The following GPBP1 variants were observed in gnomAD, a reference collection of about 807,000 sequenced individuals.
The protein encoded by GPBP1 is GC-rich promoter binding protein 1.
GPBP1 carries 13 observed loss-of-function variants against 56.5 expected under a neutral mutation model. The observed-to-expected ratio is 0.23, with a 90% CI of 0.15 to 0.37. GPBP1 has a LOEUF of 0.37. Among genes scored for constraint, GPBP1 ranks in the 10% least tolerant of loss-of-function variants. The probability of loss-of-function intolerance (pLI) is 1.00; values close to 1 mark genes in which losing one functional copy is unlikely to be tolerated. For synonymous variants in GPBP1, 204 were observed against 188.9 expected, an observed-to-expected ratio of 1.08 and a Z score of -0.66; for missense variants, 477 against 572.3, an observed-to-expected ratio of 0.83 and a Z score of 1.70.
chr5:57,193,952 C>T (rs1200455405), intron 2 of GPBP1, among the ~76,000 whole-genome samples: 2 of 152,140 alleles, frequency 1.3e-5, no homozygotes, highest in Admixed American at 6.6e-5. Flanking sequence ...AGCAGTTCCC[C>T]TCTGCGGAAA....
intron 3 of GPBP1, among the ~76,000 whole-genome samples, chr5:57,230,025 G>C (rs1343824158): frequency 6.7e-6 from 1 of 148,642 alleles, no homozygotes; most frequent in Non-Finnish European, 1.5e-5. Context: ...CCGCCTCCCA[G>C]GTTCAAGCGA....
Position 57,261,271 on chromosome 5 carries a change from A to G in GPBP1, c.1252A>G (p.Ile418Val). ...TEDEMREFQV[I>V]SEQLQKNGLR... ...GGATGAAATGAGAGAATTCCAAGTT[A>G]TTAGTGAACAGGTAAGAAAACCTGA... Residue 418 changes from isoleucine to valine, a missense_variant, in exon 11 of 12, where the codon ATT becomes GTT. Physicochemically the swap from Ile to Val is conservative, Grantham distance 29 (BLOSUM62 3). Transcript: ENST00000506184. 2 of 1,594,024 alleles carry G rather than the reference A, an allele frequency of 1.3e-6. No homozygotes were observed. Among genetic ancestry groups the G allele is most frequent in the Non-Finnish European group, 1.7e-6 (2 of 1,161,714 alleles).
intron 3 of GPBP1, 89 bp from the exon 4 acceptor site, chr5:57,230,757 T>A (rs1460285774): frequency 2.7e-6 from 3 of 1,126,994 alleles, no homozygotes; most frequent in Non-Finnish European, 3.9e-6. Flanking sequence ...CATTTAAAAT[T>A]TTTGGAAATA....
chr5:57,248,192 AAC>A (rs1303432235), intron 8 of GPBP1, among the ~76,000 whole-genome samples: 1 of 152,114 alleles, frequency 6.6e-6, no homozygotes, highest in Non-Finnish European at 1.5e-5. Flanking sequence ...TATTACTATT[AAC>A]ACTGATTGGG....
intron 2 of GPBP1, among the ~76,000 whole-genome samples, chr5:57,197,346 A>G (rs1416521028): frequency 6.7e-6 from 1 of 149,604 alleles, no homozygotes; most frequent in Admixed American, 6.8e-5. Context: ...AAATTGTAAA[A>G]GAATATCATT....
intron 3 of GPBP1, among the ~76,000 whole-genome samples, chr5:57,225,623 T>C (rs1485587264): frequency 6.6e-6 from 1 of 151,944 alleles, no homozygotes; most frequent in Non-Finnish European, 1.5e-5. Context: ...ATTTCATGGC[T>C]GTGGAGGGAG....
chr5:57,250,491 G>T (rs1741329155), intron 9 of GPBP1, among the ~76,000 whole-genome samples: 1 of 150,834 alleles, frequency 6.6e-6, no homozygotes, highest in African/African-American at 2.4e-5. Context: ...TATCCATCCT[G>T]GCTTAATTTT....
chr5:57,229,694 A>G (rs1198408305), intron 3 of GPBP1, among the ~76,000 whole-genome samples: 1 of 142,250 alleles, frequency 7.0e-6, no homozygotes, highest in African/African-American at 2.6e-5. Flanking sequence ...GCCACCACAC[A>G]TGGCTAATTT....
chr5:57,214,453 T>G (rs1755621650), intron 3 of GPBP1, among the ~76,000 whole-genome samples: 1 of 151,884 alleles, frequency 6.6e-6, no homozygotes, highest in Non-Finnish European at 1.5e-5. Context: ...GGCGTGGTGG[T>G]GCATGCCTGT....
intron 2 of GPBP1, among the ~76,000 whole-genome samples, chr5:57,183,802 C>T (rs916094094): frequency 1.5e-5 from 2 of 132,490 alleles, no homozygotes; most frequent in Non-Finnish European, 3.1e-5. Flanking sequence ...GACAGGGTCT[C>T]ACTCTATCAC....
intron 3 of GPBP1, among the ~76,000 whole-genome samples, chr5:57,229,160 G>A (rs1479609028): frequency 1.4e-5 from 2 of 147,054 alleles, no homozygotes; most frequent in Non-Finnish European, 3.0e-5. Context: ...GAACCCAGGA[G>A]GTGAAGGTTG....
intron 3 of GPBP1, among the ~76,000 whole-genome samples, chr5:57,230,097 A>T (rs1291823912): frequency 6.6e-6 from 1 of 151,402 alleles, no homozygotes; most frequent in African/African-American, 2.4e-5. Context: ...CACCTGGCTC[A>T]TTTTTTTGTG....
At chr5:57,200,292 C>T (rs984110407) in intron 2 of GPBP1, among the ~76,000 whole-genome samples, 2 of 148,614 alleles carry the variant, frequency 1.3e-5, no homozygotes, top group African/African-American at 2.5e-5. Flanking sequence ...AAGGTAATTT[C>T]ATTTTCTGTT....
chr5:57,218,707 C>T (rs976374955), intron 3 of GPBP1, among the ~76,000 whole-genome samples: 5 of 152,150 alleles, frequency 3.3e-5, no homozygotes, highest in South Asian at 2.1e-4. Context: ...TCAAGTGATC[C>T]GCCTGCCTCT....
chr5:57,216,874 T>C (rs1042744525), intron 3 of GPBP1, among the ~76,000 whole-genome samples: 8 of 152,110 alleles, frequency 5.3e-5, no homozygotes, highest in African/African-American at 1.9e-4. Flanking sequence ...AACGCTTTTT[T>C]TTTTTCATAT....
At chr5:57,250,090 C>T (rs908407887) in intron 9 of GPBP1, among the ~76,000 whole-genome samples, 8 of 144,448 alleles carry the variant, frequency 5.5e-5, no homozygotes, top group South Asian at 4.6e-4. Context: ...ATTCTTGTTC[C>T]TCAGCCTTCC....
chr5:57,197,024 C>T (rs997281851), intron 2 of GPBP1, among the ~76,000 whole-genome samples: 5 of 151,744 alleles, frequency 3.3e-5, no homozygotes, highest in African/African-American at 7.3e-5. Flanking sequence ...TCAAGTGATT[C>T]GCCTGCCTCA....
At chr5:57,248,202 G>A (rs763890821) in intron 8 of GPBP1, among the ~76,000 whole-genome samples, 2 of 152,008 alleles carry the variant, frequency 1.3e-5, no homozygotes, top group Admixed American at 6.6e-5. Context: ...AACACTGATT[G>A]GGGGGAAAGG....
chr5:57,254,071 G>C (rs1055243083), intron 10 of GPBP1, among the ~76,000 whole-genome samples: 13 of 152,128 alleles, frequency 8.5e-5, no homozygotes, highest in Non-Finnish European at 1.9e-4. Flanking sequence ...GATTACAGGT[G>C]TGTACCACCA....
Sources: allele counts gnomAD v4.1 joint callset (sites outside exome capture counted in the v4.1 genomes callset), GRCh38; gene constraint gnomAD v4.1.1; transcripts MANE v1.5; gene names NCBI Gene and HGNC (gene_info 2026-07-23, HGNC 2026-07-21).